The following NTM variants were observed in gnomAD, a reference collection of about 807,000 sequenced individuals.
The protein encoded by NTM is neurotrimin, also known as IgLON family member 2.
A neutral mutation model predicts 42.1 loss-of-function variants in NTM; 13 were observed. That is an observed-to-expected ratio of 0.31 (90% confidence interval 0.20 to 0.49). The LOEUF (loss-of-function observed/expected upper bound fraction) is 0.49. Ranked by LOEUF, NTM falls within the 20% of genes least tolerant of loss-of-function variation. NTM has a pLI of 0.99. For synonymous variants in NTM, 187 were observed against 179.2 expected, an observed-to-expected ratio of 1.04 and a Z score of -0.35; for missense variants, 373 against 452.8, an observed-to-expected ratio of 0.82 and a Z score of 1.60.
intron 1 of NTM, among the ~76,000 whole-genome samples, chr11:131,438,731 C>T (rs1031092993): frequency 1.3e-5 from 2 of 152,184 alleles, no homozygotes; most frequent in Non-Finnish European, 2.9e-5. Context: ...TTCGAACATC[C>T]TCCTTTAGCT....
intron 4 of NTM, among the ~76,000 whole-genome samples, chr11:132,263,407 G>C (rs1371977026): frequency 2.6e-5 from 4 of 152,100 alleles, no homozygotes; most frequent in Admixed American, 2.6e-4. Flanking sequence ...CCTTCCTTCT[G>C]TTTCCTTCAG....
At chr11:132,150,136 C>A (rs899628646) in intron 3 of NTM, among the ~76,000 whole-genome samples, 5 of 152,100 alleles carry the variant, frequency 3.3e-5, no homozygotes, top group Non-Finnish European at 7.3e-5. Context: ...TGAAGGGGAC[C>A]CAGTATATGC....
chr11:132,172,529 G>A (rs1214983486), intron 3 of NTM, among the ~76,000 whole-genome samples: 2 of 152,144 alleles, frequency 1.3e-5, no homozygotes, highest in East Asian at 3.9e-4. Context: ...GCTTTGGCCT[G>A]TGAAAGAAGG....
Position 131,781,847 on chromosome 11 carries a change from A to G in NTM, c.83-129717A>G, listed in dbSNP as rs142685364. Among the ~76,000 whole-genome samples the G allele has an allele frequency of 3.3e-3, 506 of 152,356 alleles. 4 individuals are homozygous for G. The highest frequency in any genetic ancestry group is 0.011 in the African/African-American group (470 of 41,588). On this transcript the variant is annotated intron_variant, in intron 1 of 8. Transcript: ENST00000683400. ...AGCTCATTATCTTGCTGAGTTAAAT[A>G]GAAATCAGCCTTCAGTGAGGCTGAG...
chr11:131,427,303 T>C (rs1398418708), intron 1 of NTM, among the ~76,000 whole-genome samples: 2 of 152,164 alleles, frequency 1.3e-5, no homozygotes, highest in African/African-American at 4.8e-5. Context: ...GCATTAACTG[T>C]GAAAATGTCT....
At chr11:131,837,399 A>G (rs753159368) in intron 1 of NTM, among the ~76,000 whole-genome samples, 2 of 152,224 alleles carry the variant, frequency 1.3e-5, no homozygotes, top group African/African-American at 2.4e-5. Flanking sequence ...ATTCACTGAT[A>G]GACTGTGGCC....
chr11:132,000,493 G>T (rs1381586183), intron 2 of NTM, among the ~76,000 whole-genome samples: 2 of 152,156 alleles, frequency 1.3e-5, no homozygotes, highest in Non-Finnish European at 2.9e-5. Context: ...AATTACGGAG[G>T]ATATGACTTC....
intron 1 of NTM, among the ~76,000 whole-genome samples, chr11:131,387,873 TC>T (rs11284895): frequency 0.79 from 119,506 of 152,086 alleles, 47,818 homozygotes; most frequent in Non-Finnish European, 0.86. Context: ...TAATTAGCCT[TC>T]CTGGGGACCC....
chr11:131,765,983 T>C (rs965278628), intron 1 of NTM, among the ~76,000 whole-genome samples: 9 of 152,200 alleles, frequency 5.9e-5, no homozygotes, highest in African/African-American at 2.2e-4. Flanking sequence ...AGCTGTACAT[T>C]GTTCTTTGTA....
At chr11:132,171,840 A>T (rs2076161398) in intron 3 of NTM, among the ~76,000 whole-genome samples, 1 of 152,222 alleles carries the variant, frequency 6.6e-6, no homozygotes, top group Admixed American at 6.5e-5. Flanking sequence ...TCTGCAGGGG[A>T]TACCTCTGAC....
chr11:131,426,212 G>A (rs1948121412), intron 1 of NTM, among the ~76,000 whole-genome samples: 1 of 152,156 alleles, frequency 6.6e-6, no homozygotes, highest in Non-Finnish European at 1.5e-5. Flanking sequence ...CATAATCTGG[G>A]TGTCAGGATG....
intron 2 of NTM, among the ~76,000 whole-genome samples, chr11:131,997,352 A>G (rs180911440): frequency 6.6e-6 from 1 of 151,986 alleles, no homozygotes; most frequent in East Asian, 1.9e-4. Flanking sequence ...CTGCAGGATG[A>G]CTCTGGCTTT....
intron 2 of NTM, among the ~76,000 whole-genome samples, chr11:132,098,846 T>G (rs1471528552): frequency 6.6e-6 from 1 of 152,270 alleles, no homozygotes; most frequent in Non-Finnish European, 1.5e-5. Context: ...CCTTGTGCAG[T>G]GAACAACCTG....
intron 2 of NTM, among the ~76,000 whole-genome samples, chr11:132,041,031 G>A (rs989866749): frequency 6.6e-6 from 1 of 152,142 alleles, no homozygotes; most frequent in Admixed American, 6.5e-5. Context: ...GTAAATTTTA[G>A]TTTTGTCCTT....
chr11:132,231,968 T>C (rs1015878600), intron 4 of NTM, among the ~76,000 whole-genome samples: 4 of 151,976 alleles, frequency 2.6e-5, no homozygotes, highest in Non-Finnish European at 5.9e-5. Context: ...CCGTCTGCTG[T>C]CCTCCCTAGG....
intron 4 of NTM, among the ~76,000 whole-genome samples, chr11:132,259,689 G>A (rs1160749513): frequency 2.0e-5 from 3 of 151,608 alleles, no homozygotes; most frequent in South Asian, 2.1e-4. Context: ...CAAAAAACAA[G>A]AAGTTTTTTA....
At chr11:132,207,938 A>T (rs1002949058) in intron 3 of NTM, among the ~76,000 whole-genome samples, 1 of 152,094 alleles carries the variant, frequency 6.6e-6, no homozygotes, top group African/African-American at 2.4e-5. Context: ...ATCTATTTTG[A>T]TATCTTGAGG....
At chr11:131,892,671 T>C (rs1037443524) in intron 1 of NTM, among the ~76,000 whole-genome samples, 2 of 152,248 alleles carry the variant, frequency 1.3e-5, no homozygotes, top group Admixed American at 6.5e-5. Flanking sequence ...TTAAAGACGC[T>C]GCTGCCTCCA....
At chr11:131,913,813 G>T (rs964781251) in intron 2 of NTM, among the ~76,000 whole-genome samples, 1 of 152,186 alleles carries the variant, frequency 6.6e-6, no homozygotes, top group African/African-American at 2.4e-5. Context: ...CTCAGGGGCT[G>T]AATGTCTTCC....
Sources: allele counts gnomAD v4.1 joint callset (sites outside exome capture counted in the v4.1 genomes callset), GRCh38; gene constraint gnomAD v4.1.1; transcripts MANE v1.5; gene names NCBI Gene and HGNC (gene_info 2026-07-23, HGNC 2026-07-21).